ZBTB20: variants seen among roughly 807,000 people sequenced by gnomAD.
ZBTB20 encodes the protein zinc finger and BTB domain containing 20.
A neutral mutation model predicts 56.9 loss-of-function variants in ZBTB20; 9 were observed. That is an observed-to-expected ratio of 0.16 (90% CI 0.10 to 0.28). ZBTB20 has a LOEUF of 0.28. ZBTB20 is among the 10% of genes least tolerant of loss of function. The probability of loss-of-function intolerance (pLI) is 1.00; values close to 1 mark genes in which losing one functional copy is unlikely to be tolerated. For synonymous variants in ZBTB20, 417 were observed against 420.7 expected (o/e 0.99, Z 0.11); for missense variants, 655 against 1,003.0 (o/e 0.65, Z 4.69).
intron 7 of ZBTB20, chr3:114,445,448 C>T (rs2091211881): frequency 6.6e-6 from 1 of 152,132 alleles, no homozygotes; most frequent in African/African-American, 2.4e-5. Flanking sequence ...TGTAATCAAA[C>T]ATGTTTCATT....
At chr3:114,430,388 A>C (rs1179314273) in intron 7 of ZBTB20, among the ~76,000 whole-genome samples, 1 of 152,242 alleles carries the variant, frequency 6.6e-6, no homozygotes, top group African/African-American at 2.4e-5. Flanking sequence ...TATGGCACTC[A>C]TATTTGGATC....
chr3:114,697,773 A>G (rs1332825941), intron 5 of ZBTB20, among the ~76,000 whole-genome samples: 1 of 152,040 alleles, frequency 6.6e-6, no homozygotes, highest in African/African-American at 2.4e-5. Context: ...AGAAAGGGAG[A>G]AATAGGGAGA....
chr3:114,812,856 A>G (rs2072645785), intron 4 of ZBTB20, among the ~76,000 whole-genome samples: 1 of 152,204 alleles, frequency 6.6e-6, no homozygotes, highest in Non-Finnish European at 1.5e-5. Flanking sequence ...GAAGGCAGCT[A>G]AGGCCCGGCG....
intron 6 of ZBTB20, among the ~76,000 whole-genome samples, chr3:114,595,511 AATTGAAATCAAG>A (rs1404663375): frequency 6.6e-6 from 1 of 152,224 alleles, no homozygotes; most frequent in Non-Finnish European, 1.5e-5. Flanking sequence ...TAGAGACCTG[AATTGAAATCAAG>A]ATTGAGATCC....
Position 114,926,110 on chromosome 3 carries a change from T to A in ZBTB20, c.-455-25768A>T, listed in dbSNP as rs576212900. 2.0e-3 allele frequency among the ~76,000 whole-genome samples: 304 copies of A among 152,278 alleles called. 2 individuals carry two copies. The highest frequency in any genetic ancestry group is 3.2e-3 in the African/African-American group (133 of 41,550). The stretch of plus-strand genomic sequence containing the variant: ...ATCTCTGTCTCTTTACTTTCCTATG[T>A]TTTTCCTCATTCTCTGACATCCCCG... On this transcript the variant is annotated intron_variant, in intron 3 of 11. Coordinates refer to ENST00000675478, the MANE Select transcript of ZBTB20 (RefSeq NM_001348800.3).
chr3:114,476,362 T>C (rs1209710375), intron 7 of ZBTB20, among the ~76,000 whole-genome samples: 1 of 152,256 alleles, frequency 6.6e-6, no homozygotes, highest in African/African-American at 2.4e-5. Flanking sequence ...CTTTTGTATA[T>C]GTTTGAAATA....
At chr3:114,839,784 G>A (rs895277757) in intron 4 of ZBTB20, among the ~76,000 whole-genome samples, 2 of 152,220 alleles carry the variant, frequency 1.3e-5, no homozygotes, top group Non-Finnish European at 2.9e-5. Context: ...AGAAGGCCAT[G>A]TGAAGACAGA....
rs116803133 is a variant in ZBTB20 at position 114,621,063 on chromosome 3, A to T, written c.-295+72465T>A. Among the ~76,000 whole-genome samples the T allele has an allele frequency of 8.1e-3, 1,227 of 152,326 alleles. 19 individuals are homozygous for T. The highest frequency in any genetic ancestry group is 0.027 in the African/African-American group (1,128 of 41,564). On this transcript the variant is annotated intron_variant, in intron 6 of 11. Coordinates refer to ENST00000675478, the MANE Select transcript of ZBTB20 (RefSeq NM_001348800.3). ...TACTCAGCCTTATAAAATAAAATGA[A>T]TTCATTAAACATATGCTCAATTTTA...
intron 5 of ZBTB20, among the ~76,000 whole-genome samples, chr3:114,719,276 C>T (rs2064740363): frequency 6.6e-6 from 1 of 151,778 alleles, no homozygotes; most frequent in African/African-American, 2.4e-5. Flanking sequence ...TGAGGTGAGA[C>T]CTTAAGGAAA....
At chr3:114,789,611 G>A (rs1247445624) in intron 5 of ZBTB20, among the ~76,000 whole-genome samples, 2 of 152,158 alleles carry the variant, frequency 1.3e-5, no homozygotes, top group Non-Finnish European at 2.9e-5. Context: ...GGAGCATACT[G>A]AGATGAAGGG....
chr3:114,888,823 C>A (rs1245937074), intron 4 of ZBTB20, among the ~76,000 whole-genome samples: 1 of 152,114 alleles, frequency 6.6e-6, no homozygotes, highest in Non-Finnish European at 1.5e-5. Flanking sequence ...ATTTGCTACA[C>A]AAATTTAAGC....
At chr3:114,629,087 G>T in intron 6 of ZBTB20, among the ~76,000 whole-genome samples, 1 of 152,122 alleles carries the variant, frequency 6.6e-6, no homozygotes, top group East Asian at 1.9e-4. Flanking sequence ...TTCAGTGTCA[G>T]TATTCTGGAA....
At chr3:115,095,242 A>G (rs1485517796) in intron 1 of ZBTB20, among the ~76,000 whole-genome samples, 1 of 152,184 alleles carries the variant, frequency 6.6e-6, no homozygotes, top group Non-Finnish European at 1.5e-5. Flanking sequence ...CAATGAACTC[A>G]TAGTCCTTGT....
intron 6 of ZBTB20, among the ~76,000 whole-genome samples, chr3:114,683,927 G>T (rs1023825915): frequency 6.6e-5 from 10 of 152,080 alleles, no homozygotes; most frequent in African/African-American, 1.4e-4. Flanking sequence ...GACTTGGGGT[G>T]GGGGGCAGTG....
chr3:114,345,689 T>A (rs2080130234), intron 11 of ZBTB20, among the ~76,000 whole-genome samples: 1 of 152,148 alleles, frequency 6.6e-6, no homozygotes, highest in Non-Finnish European at 1.5e-5. Flanking sequence ...GAGTTTCTGA[T>A]TTAGGATGTC....
rs1007428756 is a variant in ZBTB20 at position 115,019,400 on chromosome 3, A to G, written c.-506-44984T>C. ...TAATTACCTGGGATTTAGTGAACAA[A>G]AGTATGTGATGCAGGGCTCCCTGAA... On this transcript the variant is annotated intron_variant, in intron 2 of 11. Coordinates refer to ENST00000675478, the MANE Select transcript of ZBTB20 (RefSeq NM_001348800.3). Among the ~76,000 whole-genome samples the G allele has an allele frequency of 3.3e-5, 5 of 151,254 alleles. No homozygotes were observed. In the Admixed American group the frequency reaches 3.3e-4, roughly 10 times the overall value.
intron 6 of ZBTB20, among the ~76,000 whole-genome samples, chr3:114,533,612 C>T (rs1047206985): frequency 4.6e-5 from 7 of 152,144 alleles, no homozygotes; most frequent in African/African-American, 1.7e-4. Context: ...GACAGGCCAA[C>T]ATTCAAATTC....
At chr3:114,844,537 A>ACAAAAC (rs1421650980) in intron 4 of ZBTB20, among the ~76,000 whole-genome samples, 12 of 138,810 alleles carry the variant, frequency 8.6e-5, no homozygotes, top group Non-Finnish European at 1.7e-4. Context: ...AAAAAAAAAA[A>ACAAAAC]AAAAAAAAAA....
chr3:114,410,710 G>T (rs540941692), intron 7 of ZBTB20, among the ~76,000 whole-genome samples: 1 of 152,218 alleles, frequency 6.6e-6, no homozygotes. Context: ...ATGTCACATC[G>T]TGGGGGTGAG....
Sources: gnomAD v4.1 joint callset for allele counts (sites outside exome capture counted in the v4.1 genomes callset) on GRCh38, gnomAD v4.1.1 for gene constraint, MANE v1.5 for transcripts, NCBI Gene and HGNC (gene_info 2026-07-23, HGNC 2026-07-21) for gene names.